AGAP3: variants seen among roughly 807,000 people sequenced by gnomAD.
AGAP3 encodes the protein ArfGAP with GTPase domain, ankyrin repeat and PH domain 3.
A neutral mutation model predicts 96.9 loss-of-function variants in AGAP3; 24 were observed. The observed-to-expected ratio is 0.25, with a 90% CI of 0.18 to 0.35. AGAP3 has a LOEUF of 0.35. Among genes scored for constraint, AGAP3 ranks in the 10% least tolerant of loss-of-function variants. AGAP3 has a pLI of 1.00. For synonymous variants in AGAP3, 563 were observed against 536.1 expected (o/e 1.05, Z -0.69); for missense variants, 876 against 1,254.2 (o/e 0.70, Z 4.55).
chr7:151,130,156 C>A (rs543296815), intron 10 of AGAP3, among the ~76,000 whole-genome samples: 37 of 152,308 alleles, frequency 2.4e-4, no homozygotes, highest in African/African-American at 8.9e-4. Flanking sequence ...TTCCCCTTCC[C>A]CCTTTGCCCA....
At chr7:151,098,099 C>T (rs1250406473) in intron 1 of AGAP3, among the ~76,000 whole-genome samples, 3 of 152,192 alleles carry the variant, frequency 2.0e-5, no homozygotes, top group Non-Finnish European at 4.4e-5. Context: ...TGGCTCACAC[C>T]TGTAATCCCA....
At chr7:151,123,101 C>T (rs904149769) in intron 8 of AGAP3, 12 of 1,151,686 alleles carry the variant, frequency 1.0e-5, no homozygotes, top group Admixed American at 9.6e-5. Flanking sequence ...CAAGCCCGCC[C>T]GGCCCGGCTG....
Position 151,118,122 on chromosome 7 carries a change from C to A in AGAP3, c.707-88C>A. 1 of 1,512,484 alleles carries A rather than the reference C, an allele frequency of 6.6e-7. No homozygotes were observed. The highest frequency in any genetic ancestry group is 8.9e-7 in the Non-Finnish European group (1 of 1,119,194). 93.7% of individuals were successfully genotyped at this position (1,512,484 alleles called of 1,614,324 possible). ...TGTGTTCCACTCACCAGGCCCTTTGCACACCTGCCCTTGGGCCAAATGCCC... is the reference window on the plus strand; with the variant it reads ...TGTGTTCCACTCACCAGGCCCTTTGAACACCTGCCCTTGGGCCAAATGCCC... On this transcript the variant is annotated intron_variant, in intron 5 of 17. Coordinates refer to ENST00000397238, the MANE Select transcript of AGAP3 (RefSeq NM_031946.7). The surrounding 1 kb of genome is among the most constrained non-coding windows in gnomAD (Gnocchi z 6.1).
chr7:151,086,802 G>A lies in AGAP3; in HGVS notation c.61G>A (p.Gly21Arg), dbSNP rs1798167008. 1 of 493,178 alleles carries A rather than the reference G, an allele frequency of 2.0e-6. No homozygotes were observed. The highest frequency in any genetic ancestry group is 3.4e-5 in the African/African-American group (1 of 29,158). 30.6% of individuals were successfully genotyped at this position (493,178 alleles called of 1,614,324 possible). A position where few individuals can be genotyped will look rare whatever the true frequency, so the allele number is the denominator to read the frequency against. Reference protein sequence around the residue: ...PQQQQSLAAPGGGGAAAQQLV... With the variant: ...PQQQQSLAAPRGGGAAAQQLV... ...GCAGCAGCAGAGCCTGGCGGCTCCG[G>A]GGGGCGGCGGCGCTGCCGCGCAGCA... Residue 21 changes from glycine (G) to arginine (R), a missense_variant, in exon 1 of 18, where the codon GGG becomes AGG. This residue lies in a region of AGAP3 where 62 missense variants were observed against 82.8 expected (regional missense o/e 0.75). Transcript: ENST00000397238.
rs1337837664 is a variant in AGAP3 at position 151,086,759 on chromosome 7, C to T, written c.18C>T (p.Gly6=). 3.1e-6 allele frequency: 3 copies of T among 957,036 alleles called. No homozygotes were observed. Among genetic ancestry groups the T allele is most frequent in the Admixed American group, 6.9e-5 (1 of 14,546 alleles). 59.3% of individuals were successfully genotyped at this position (957,036 alleles called of 1,614,324 possible). MNFQA[G]GGQSPQQQQS... The stretch of plus-strand genomic sequence containing the variant: ...CCGAAGCCATGAACTTCCAGGCGGG[C>T]GGGGGGCAGAGCCCGCAGCAGCAGC... Residue 6 remains glycine (G), a synonymous_variant, in exon 1 of 18, where the codon GGC becomes GGT. Coordinates refer to ENST00000397238, the MANE Select transcript of AGAP3 (RefSeq NM_031946.7).
chr7:151,137,976 TC>T, intron 11 of AGAP3, 166 bp from the exon 12 acceptor site: 1 of 607,964 alleles, frequency 1.6e-6, no homozygotes, highest in Non-Finnish European at 2.9e-6. Flanking sequence ...GCACACAGGG[TC>T]CCTGCGCAGC....
chr7:151,088,995 C>T (rs902396660), intron 1 of AGAP3, among the ~76,000 whole-genome samples: 15 of 152,092 alleles, frequency 9.9e-5, no homozygotes, highest in African/African-American at 3.1e-4. Flanking sequence ...CCGACCCAGC[C>T]GCGGCTCACA....
In AGAP3 at chr7:151,118,646, C is replaced by A; in HGVS notation, c.969+14C>A. ...CACATCAACCAGGTTCGGCCTGTGC[C>A]CCGCCCTGCCCTTCCTGTCCCCACC... is the stretch of plus-strand genomic sequence containing the variant. On this transcript the variant is annotated intron_variant, in intron 7 of 17. Coordinates refer to ENST00000397238, the MANE Select transcript of AGAP3 (RefSeq NM_031946.7). The surrounding 1 kb of genome is among the most constrained non-coding windows in gnomAD (Gnocchi z 6.1). 6.2e-7 allele frequency: 1 copy of A among 1,609,572 alleles called. No homozygotes were observed. The highest frequency in any genetic ancestry group is 8.5e-7 in the Non-Finnish European group (1 of 1,179,108).
In AGAP3 at chr7:151,134,950, C is replaced by T. The variant is rs145983655; in HGVS notation, c.1495+382C>T. Among the ~76,000 whole-genome samples, 1,127 of 152,150 alleles carry T rather than the reference C, an allele frequency of 7.4e-3. 12 individuals carry two copies. Among genetic ancestry groups the T allele is most frequent in the African/African-American group, 0.026 (1,092 of 41,506 alleles). ...TGGAGATAGGGGAGGTGGAAGGGGA[C>T]GGAGCTGTCTGAGGTCAACCTGGTG... On this transcript the variant is annotated intron_variant, in intron 11 of 17. Coordinates refer to ENST00000397238, the MANE Select transcript of AGAP3 (RefSeq NM_031946.7).
Position 151,094,479 on chromosome 7 carries a change from GAA to G in AGAP3, c.331+7420_331+7421del, listed in dbSNP as rs57860368. Among the ~76,000 whole-genome samples, 9 of 119,814 alleles carry G rather than the reference GAA, an allele frequency of 7.5e-5. No individual in the cohort carries two copies. In the South Asian group the frequency reaches 8.0e-4, roughly 11 times the overall value. The allele number at this position is 119,814 out of a possible 152,430, so 78.6% of individuals were successfully genotyped here. On this transcript the variant is annotated intron_variant, in intron 1 of 17. Transcript: ENST00000397238. Reference sequence around the variant, plus strand: ...CACCCCTTCTTCATCTGATACGTAAGAAAAAAAAAAAAAAGACTAAATGACTC... The same window carrying G: ...CACCCCTTCTTCATCTGATACGTAAGAAAAAAAAAAAAGACTAAATGACTC...
At position 151,137,051 on chromosome 7, in the gene AGAP3, A is replaced by T. The variant is rs192145923; in HGVS notation, c.1496-1092A>T. On this transcript the variant is annotated intron_variant, in intron 11 of 17. Coordinates refer to ENST00000397238, the MANE Select transcript of AGAP3 (RefSeq NM_031946.7). Reference sequence around the variant, plus strand: ...GGGTGTTGTGACAGATACAAGAGGAACATAAAACTTGCTCCCTGCCTTTGG... The same window carrying T: ...GGGTGTTGTGACAGATACAAGAGGATCATAAAACTTGCTCCCTGCCTTTGG... 4.0e-3 allele frequency among the ~76,000 whole-genome samples: 603 copies of T among 152,370 alleles called. 17 individuals carry two copies. Among genetic ancestry groups the T allele is most frequent in the Non-Finnish European group, 1.1e-3 (72 of 68,032 alleles).
chr7:151,086,395 G>T (rs1037681425), upstream of AGAP3, among the ~76,000 whole-genome samples: 2 of 138,682 alleles, frequency 1.4e-5, no homozygotes, highest in African/African-American at 2.6e-5. Context: ...CTCGGGCTGC[G>T]TGTGCCGGAG....
chr7:151,114,872 C>A lies in AGAP3; in HGVS notation c.332-1921C>A. 9.9e-7 allele frequency: 1 copy of A among 1,014,088 alleles called. No individual in the cohort carries two copies. The highest frequency in any genetic ancestry group is 1.2e-6 in the Non-Finnish European group (1 of 851,476). 62.8% of individuals were successfully genotyped at this position (1,014,088 alleles called of 1,614,324 possible). On this transcript the variant is annotated intron_variant, in intron 1 of 17. Transcript: ENST00000397238. This position sits in a 1 kb window ranked among gnomAD's most constrained non-coding sequence, Gnocchi z 4.4. ...GCGACTCGCTGGACCTGCACGGCGCCTCGGCCGGCCGCGCTGCCGCCGCCC... is the reference window on the plus strand; with the variant it reads ...GCGACTCGCTGGACCTGCACGGCGCATCGGCCGGCCGCGCTGCCGCCGCCC...
intron 10 of AGAP3, chr7:151,131,321 G>A (rs1381621285): frequency 6.6e-6 from 1 of 152,228 alleles, no homozygotes; most frequent in Admixed American, 6.5e-5. Flanking sequence ...AATTGAATGT[G>A]GCTTAATCAC....
At chr7:151,107,253 T>C (rs940679792) in intron 1 of AGAP3, among the ~76,000 whole-genome samples, 1 of 148,918 alleles carries the variant, frequency 6.7e-6, no homozygotes, top group African/African-American at 2.5e-5. Flanking sequence ...GAGGTTGTAG[T>C]GAGCTGAGAT....
At position 151,141,622 on chromosome 7, in the gene AGAP3, A is replaced by T. The variant is rs577302169; in HGVS notation, c.1805-276A>T. 2 of 465,480 alleles carry T rather than the reference A, an allele frequency of 4.3e-6. No individual in the cohort carries two copies. Among genetic ancestry groups the T allele is most frequent in the African/African-American group, 3.9e-5 (2 of 51,234 alleles). 28.8% of individuals were successfully genotyped at this position (465,480 alleles called of 1,614,324 possible). The stretch of plus-strand genomic sequence containing the variant: ...CTCTGGTTTCACACCCATTCCCGGC[A>T]GTGCCAGGGGTGCCAAGATCTTGCA... On this transcript the variant is annotated intron_variant, in intron 13 of 17. Coordinates refer to ENST00000397238, the MANE Select transcript of AGAP3 (RefSeq NM_031946.7). This position sits in a 1 kb window ranked among gnomAD's most constrained non-coding sequence, Gnocchi z 4.2.
intron 1 of AGAP3, among the ~76,000 whole-genome samples, chr7:151,093,396 C>T (rs1028179429): frequency 6.6e-6 from 1 of 152,212 alleles, no homozygotes; most frequent in South Asian, 2.1e-4. Context: ...CCACCTCGGC[C>T]TCCCAAGGTG....
At chr7:151,111,053 A>AT (rs1799260628) in intron 1 of AGAP3, among the ~76,000 whole-genome samples, 1 of 152,054 alleles carries the variant, frequency 6.6e-6, no homozygotes, top group Non-Finnish European at 1.5e-5. Flanking sequence ...TTCTCCTCTG[A>AT]TTCCCTAAGC....
In AGAP3 at chr7:151,117,241, A is replaced by C. The variant is rs114943234; in HGVS notation, c.478+59A>C. On this transcript the variant is annotated intron_variant, in intron 3 of 17. Transcript: ENST00000397238. ...CCGGCCACTCCTCCAGCTCCTGCCC[A>C]CAGGGTCTGGGTGGGGGGTCTCCAG... is the stretch of plus-strand genomic sequence containing the variant. The C allele has an allele frequency of 8.9e-4, 1,407 of 1,587,680 alleles. 8 individuals carry two copies. In the African/African-American group the frequency reaches 0.017, roughly 19 times the overall value.
Sources: allele counts gnomAD v4.1 joint callset (sites outside exome capture counted in the v4.1 genomes callset), GRCh38; gene constraint gnomAD v4.1.1; regional missense constraint gnomAD v4.1.1; non-coding constraint Gnocchi (gnomAD v3.1); transcripts MANE v1.5; gene names NCBI Gene and HGNC (gene_info 2026-07-23, HGNC 2026-07-21).